Variants in ASPM observed in about 807,000 individuals in gnomAD.
ASPM encodes assembly factor for spindle microtubules, also known as abnormal spindle-like microcephaly-associated protein.
A neutral mutation model predicts 366.4 loss-of-function variants in ASPM; 256 were observed. That is an observed-to-expected ratio of 0.70 (90% CI 0.63 to 0.77). The LOEUF is 0.77. Among genes scored for constraint, ASPM ranks in the 30% least tolerant of loss-of-function variants. The probability of loss-of-function intolerance (pLI) is 0.00; values close to 1 mark genes in which losing one functional copy is unlikely to be tolerated. For synonymous variants in ASPM, 1,414 were observed against 1,342.9 expected (o/e 1.05, Z -1.16); for missense variants, 4,146 against 4,090.4 (o/e 1.01, Z -0.37).
In ASPM at chr1:197,122,548, G is replaced by A. The variant is rs1371196425; in HGVS notation, c.3438C>T (p.Tyr1146=). 3 of 1,612,916 alleles carry A rather than the reference G, an allele frequency of 1.9e-6. No individual in the cohort carries two copies. Among genetic ancestry groups the A allele is most frequent in the Admixed American group, 1.7e-5 (1 of 59,820 alleles). The change falls in exon 14 of 28, where the codon TAC becomes TAT. Residue 1146 remains tyrosine, a synonymous_variant. Transcript: ENST00000367409. ...VSFSDGRVLC[Y]LIHHYHPCYV... ...AGCAAGGATGGTAATGGTGGATCAG[G>A]TAACATAACACACGGCCGTCTGAGA...
chr1:197,125,918 C>CCT (rs1658077826), intron 10 of ASPM, among the ~76,000 whole-genome samples: 1 of 152,110 alleles, frequency 6.6e-6, no homozygotes, highest in Non-Finnish European at 1.5e-5. Flanking sequence ...GGCCAACCAT[C>CCT]CAGTCAATTG....
chr1:197,095,888 AG>A (rs1308062345), intron 19 of ASPM, 109 bp downstream of exon 19: 2 of 995,116 alleles, frequency 2.0e-6, no homozygotes, highest in East Asian at 5.2e-5. Context: ...ATATAAATTA[AG>A]CATAACAAAT....
chr1:197,139,699 T>C (rs565736392), intron 4 of ASPM, 68 bp downstream of exon 4: 7 of 1,181,260 alleles, frequency 5.9e-6, no homozygotes, highest in Admixed American at 1.7e-5. Flanking sequence ...TTCATTTCCA[T>C]GTGAAATGCA....
At position 197,101,850 on chromosome 1, in the gene ASPM, A is replaced by C. The variant is rs761939264; in HGVS notation, c.7401T>G (p.Ser2467=). The change falls in exon 18 of 28, where the codon TCT becomes TCG. Residue 2467 remains serine (S), a synonymous_variant. Transcript: ENST00000367409. ...TCTTCTTTACCATCAGTCTTCTGTA[A>C]GATGACTGTATTGTAATGGCTGCCT... ...LRKAAITIQS[S]YRRLMVKKKL... 7.4e-6 allele frequency: 12 copies of C among 1,612,886 alleles called. No homozygotes were observed. The East Asian group carries it at 2.5e-4, about 33-fold the overall frequency.
At chr1:197,088,151 A>G in intron 26 of ASPM, 105 bp downstream of exon 26, 1 of 1,288,014 alleles carries the variant, frequency 7.8e-7, no homozygotes, top group Non-Finnish European at 1.1e-6. Flanking sequence ...GAACACACAT[A>G]AAACCCTATT....
At chr1:197,093,542 T>A (rs1656857810) in intron 20 of ASPM, among the ~76,000 whole-genome samples, 2 of 151,860 alleles carry the variant, frequency 1.3e-5, no homozygotes, top group Admixed American at 1.3e-4. Context: ...GGAAAAGGAC[T>A]AACATTACAG....
intron 4 of ASPM, among the ~76,000 whole-genome samples, chr1:197,138,342 G>A (rs1026623580): frequency 6.6e-6 from 1 of 152,034 alleles, no homozygotes; most frequent in Non-Finnish European, 1.5e-5. Flanking sequence ...CGCCCTTGTC[G>A]CCCAGGCTGG....
intron 17 of ASPM, among the ~76,000 whole-genome samples, chr1:197,111,127 A>C (rs531327330): frequency 3.3e-5 from 5 of 152,314 alleles, no homozygotes; most frequent in African/African-American, 9.6e-5. Context: ...ACAGCAAAAT[A>C]AACTATCAAC....
At chr1:197,114,464 T>C (rs1657684376) in intron 17 of ASPM, among the ~76,000 whole-genome samples, 2 of 152,260 alleles carry the variant, frequency 1.3e-5, no homozygotes, top group South Asian at 4.1e-4. Context: ...CAATGCCACT[T>C]ATTAGCGTTT....
chr1:197,138,248 G>A (rs1442293872), intron 4 of ASPM, among the ~76,000 whole-genome samples: 1 of 152,120 alleles, frequency 6.6e-6, no homozygotes, highest in Non-Finnish European at 1.5e-5. Context: ...TACATCCTAA[G>A]TGCCAGGATA....
Position 197,143,511 on chromosome 1 carries a change from G to A in ASPM, c.741C>T (p.Tyr247=). 2 of 1,614,020 alleles carry A rather than the reference G, an allele frequency of 1.2e-6. No homozygotes were observed. Among genetic ancestry groups the A allele is most frequent in the Non-Finnish European group, 1.7e-6 (2 of 1,179,940 alleles). The change falls in exon 3 of 28, where the codon TAC becomes TAT. Residue 247 remains tyrosine (Y), a synonymous_variant. Coordinates refer to ENST00000367409, the MANE Select transcript of ASPM (RefSeq NM_018136.5). ...LPLSVRRSTT[Y]SSLHASENRE... ...TATTTTCTGATGCATGAAGAGATGA[G>A]TAGGTAGTAGATCGACGTACAGAGA... is the stretch of plus-strand genomic sequence containing the variant.
chr1:197,117,940 T>C lies in ASPM; in HGVS notation c.3914A>G (p.Asn1305Ser), dbSNP rs1283107512. Residue 1305 changes from asparagine to serine, a missense_variant, in exon 17 of 28, where the codon AAT (asparagine) becomes AGT (serine). Asn to Ser is a conservative substitution (Grantham distance 46). Around this residue, in one of 3 missense-constraint regions of ASPM, gnomAD observed 3,624 missense variants for 3,591.7 expected, o/e 1.01. Transcript: ENST00000367409. ...AARIIQLAVI[N>S]FLAKQRLRKR... The stretch of plus-strand genomic sequence containing the variant: ...TCTCAATCTTTGTTTTGCTAGAAAA[T>C]TGATTACAGCCAATTGAATAATTCT... 1.2e-6 allele frequency: 2 copies of C among 1,613,470 alleles called. No homozygotes were observed. The highest frequency in any genetic ancestry group is 1.3e-5 in the African/African-American group (1 of 74,868).
chr1:197,090,107 A>G, intron 24 of ASPM, 23 bp from the exon 25 acceptor site: 2 of 1,613,358 alleles, frequency 1.2e-6, no homozygotes, highest in Non-Finnish European at 1.7e-6. Context: ...AAAAACACAC[A>G]CACACAGGTA....
Position 197,125,075 on chromosome 1 carries a change from G to A in ASPM, c.3053C>T (p.Ser1018Leu), listed in dbSNP as rs745539868. 14 of 1,613,938 alleles carry A rather than the reference G, an allele frequency of 8.7e-6. No individual in the cohort carries two copies. Among genetic ancestry groups the A allele is most frequent in the Non-Finnish European group, 1.2e-5 (14 of 1,179,910 alleles). The change falls in exon 11 of 28, where the codon TCA becomes TTA. Residue 1018 changes from serine to leucine, a missense_variant. Ser to Leu is a moderately radical substitution (Grantham distance 145). This residue lies in a region of ASPM where 3,624 missense variants were observed against 3,591.7 expected (regional missense o/e 1.01). Transcript: ENST00000367409. ...CTCATCACTTAATTCAATTCCTCGT[G>A]ATTTAAGAACTTGAAGAACAATGTC... Reference protein sequence around the residue: ...NVDIVLQVLKSRGIELSDEHG... With the variant: ...NVDIVLQVLKLRGIELSDEHG...
chr1:197,124,463 A>C, intron 12 of ASPM, 132 bp from the exon 13 acceptor site: 1 of 736,828 alleles, frequency 1.4e-6, no homozygotes, highest in Non-Finnish European at 2.2e-6. Context: ...TAAAAAAATC[A>C]AAGAAAATAA....
chr1:197,091,233 TG>T (rs1656778757), intron 22 of ASPM, among the ~76,000 whole-genome samples, 192 bp from the exon 23 acceptor site: 1 of 151,084 alleles, frequency 6.6e-6, no homozygotes, highest in Non-Finnish European at 1.5e-5. Flanking sequence ...GGTGCCTGTG[TG>T]TGTGTGTGTG....
chr1:197,146,345 C>T lies in ASPM; in HGVS notation c.93G>A (p.Glu31=). The T allele has an allele frequency of 6.2e-7, 1 of 1,612,042 alleles. No individual in the cohort carries two copies. The highest frequency in any genetic ancestry group is 1.1e-5 in the South Asian group (1 of 91,072). ...ACAGGACCGGCGGGGAAGACGCCTC[C>T]TCCTCGGCCGCGGGGCCCCGCAGCC... ...PAGLRGPAAE[E]EASSPPVLSL... Residue 31 remains glutamate (E), a synonymous_variant, in exon 1 of 28, where the codon GAG becomes GAA. Transcript: ENST00000367409.
intron 5 of ASPM, among the ~76,000 whole-genome samples, chr1:197,134,320 C>T (rs1426109261): frequency 6.6e-6 from 1 of 151,458 alleles, no homozygotes; most frequent in Non-Finnish European, 1.5e-5. Flanking sequence ...TTTGAGGGAG[C>T]AAGATTGCTT....
At position 197,142,565 on chromosome 1, in the gene ASPM, T is replaced by C. The variant is rs1485255046; in HGVS notation, c.1687A>G (p.Thr563Ala). The C allele has an allele frequency of 6.2e-7, 1 of 1,613,968 alleles. No individual in the cohort carries two copies. The highest frequency in any genetic ancestry group is 2.2e-5 in the East Asian group (1 of 44,872). ...SKSKSYKNEV[T>A]PSSTTASVAR... ...ACTGAAGCTGTTGTCGAAGAGGGTG[T>C]TACCTCGTTTTTATAACTCTTAGAT... Residue 563 changes from threonine to alanine, a missense_variant, in exon 3 of 28, where the codon ACA (threonine) becomes GCA (alanine). Thr to Ala is a moderately conservative substitution (Grantham distance 58). Coordinates refer to ENST00000367409, the MANE Select transcript of ASPM (RefSeq NM_018136.5).
Sources: gnomAD v4.1 joint callset for allele counts (sites outside exome capture counted in the v4.1 genomes callset) on GRCh38, gnomAD v4.1.1 for gene constraint, gnomAD v4.1.1 regional missense constraint, MANE v1.5 for transcripts, NCBI Gene and HGNC (gene_info 2026-07-23, HGNC 2026-07-21) for gene names.